The following PID1 variants were observed in gnomAD, a reference collection of about 807,000 sequenced individuals.
PID1 encodes PTB-containing, cubilin and LRP1-interacting protein.
PID1 carries 10 observed loss-of-function variants against 19.1 expected under a neutral mutation model. That is an observed-to-expected ratio of 0.52 (90% CI 0.32 to 0.89). The LOEUF is 0.89. PID1 is among the 40% of genes least tolerant of loss of function. PID1 has a pLI of 0.03. For missense variants in PID1, 248 were observed against 285.3 expected, an observed-to-expected ratio of 0.87 and a Z score of 0.94; for synonymous variants, 130 against 116.0, an observed-to-expected ratio of 1.12 and a Z score of -0.78.
At chr2:229,037,136 C>T (rs1330723686) in intron 2 of PID1, among the ~76,000 whole-genome samples, 1 of 152,046 alleles carries the variant, frequency 6.6e-6, no homozygotes, top group Non-Finnish European at 1.5e-5. Flanking sequence ...TTTCCTAAGG[C>T]TAAAAATATT....
Position 229,166,309 on chromosome 2 carries a change from G to A in PID1, c.31-10345C>T, listed in dbSNP as rs568461893. ...ATCAGTTGTTGCCTGGGGATAGTGAGGAACGAAGAGAGGAGAGTGAGGTAC... is the reference window on the plus strand; with the variant it reads ...ATCAGTTGTTGCCTGGGGATAGTGAAGAACGAAGAGAGGAGAGTGAGGTAC... On this transcript the variant is annotated intron_variant, in intron 1 of 2. Coordinates refer to ENST00000392055, the MANE Select transcript of PID1 (RefSeq NM_001100818.2). Among the ~76,000 whole-genome samples the A allele has an allele frequency of 2.4e-3, 263 of 110,076 alleles. 3 individuals carry two copies. The highest frequency in any genetic ancestry group is 7.2e-3 in the Admixed American group (50 of 6,930). 72.2% of individuals were successfully genotyped at this position (110,076 alleles called of 152,430 possible).
At chr2:229,102,711 T>C (rs1205689581) in intron 2 of PID1, among the ~76,000 whole-genome samples, 1 of 152,198 alleles carries the variant, frequency 6.6e-6, no homozygotes, top group Non-Finnish European at 1.5e-5. Flanking sequence ...CTGTTATAGA[T>C]GGCAACTGTC....
intron 1 of PID1, among the ~76,000 whole-genome samples, chr2:229,210,284 A>G (rs1691700098): frequency 6.6e-6 from 1 of 151,948 alleles, no homozygotes. Context: ...AGGCCGAGGC[A>G]GGTGGATCAC....
At chr2:229,064,635 G>A (rs1458593693) in intron 2 of PID1, among the ~76,000 whole-genome samples, 1 of 152,048 alleles carries the variant, frequency 6.6e-6, no homozygotes, top group Admixed American at 6.6e-5. Flanking sequence ...ATATTCGAAA[G>A]TGAAAAAGCA....
intron 1 of PID1, among the ~76,000 whole-genome samples, chr2:229,261,775 G>C (rs1417314042): frequency 6.6e-6 from 1 of 152,206 alleles, no homozygotes; most frequent in Non-Finnish European, 1.5e-5. Context: ...TGACAGAGCA[G>C]TTCTGCAGTT....
intron 1 of PID1, among the ~76,000 whole-genome samples, chr2:229,258,731 G>A (rs543823439): frequency 2.6e-5 from 4 of 151,964 alleles, no homozygotes; most frequent in East Asian, 3.9e-4. Flanking sequence ...ACGTAGTGGC[G>A]GGCGCCTGTA....
At chr2:229,071,615 T>G (rs1694454975) in intron 2 of PID1, among the ~76,000 whole-genome samples, 1 of 152,238 alleles carries the variant, frequency 6.6e-6, no homozygotes, top group South Asian at 2.1e-4. Flanking sequence ...CTGCCACACA[T>G]GGATTCATGC....
intron 1 of PID1, among the ~76,000 whole-genome samples, chr2:229,189,141 GTA>G (rs1691202776): frequency 6.6e-6 from 1 of 152,222 alleles, no homozygotes; most frequent in Non-Finnish European, 1.5e-5. Flanking sequence ...GGGTGTGGTT[GTA>G]TAGATTGTTC....
chr2:229,095,003 C>A (rs939404921), intron 2 of PID1, among the ~76,000 whole-genome samples: 1 of 152,132 alleles, frequency 6.6e-6, no homozygotes, highest in Admixed American at 6.5e-5. Context: ...ATAGCGTGAG[C>A]CCCATTCTAC....
intron 2 of PID1, among the ~76,000 whole-genome samples, chr2:229,036,257 C>A (rs1693660692): frequency 6.6e-6 from 1 of 152,176 alleles, no homozygotes; most frequent in African/African-American, 2.4e-5. Context: ...TCAGAGCAGG[C>A]CTGGGCATCC....
chr2:229,215,643 T>G (rs1242914181), intron 1 of PID1, among the ~76,000 whole-genome samples: 1 of 152,206 alleles, frequency 6.6e-6, no homozygotes, highest in East Asian at 1.9e-4. Context: ...GAAAAGGGTA[T>G]GTATAGACAG....
chr2:229,170,602 T>C (rs987407183), intron 1 of PID1, among the ~76,000 whole-genome samples: 6 of 152,042 alleles, frequency 3.9e-5, no homozygotes, highest in African/African-American at 1.2e-4. Flanking sequence ...CTCTTTTCTC[T>C]TTTGCTCTCT....
At chr2:229,061,405 C>A (rs1424289357) in intron 2 of PID1, among the ~76,000 whole-genome samples, 2 of 151,744 alleles carry the variant, frequency 1.3e-5, no homozygotes, top group African/African-American at 4.8e-5. Flanking sequence ...TCAAAAAAAA[C>A]AATTGACTAT....
At chr2:229,245,606 C>A (rs975841304) in intron 1 of PID1, among the ~76,000 whole-genome samples, 1 of 152,170 alleles carries the variant, frequency 6.6e-6, no homozygotes, top group Non-Finnish European at 1.5e-5. Context: ...GGGTCTGGGG[C>A]AGCTATGCCA....
intron 2 of PID1, among the ~76,000 whole-genome samples, chr2:229,081,223 A>G (rs1178929111): frequency 2.6e-5 from 4 of 152,162 alleles, no homozygotes; most frequent in Non-Finnish European, 5.9e-5. Context: ...ACATTTAACC[A>G]TTGTTTTCTG....
chr2:229,209,523 G>T (rs1691681680), intron 1 of PID1, among the ~76,000 whole-genome samples: 1 of 152,212 alleles, frequency 6.6e-6, no homozygotes. Context: ...TGGAACCACA[G>T]TGGGGAAGAA....
In PID1 at chr2:229,242,462, AC is replaced by A. The variant is rs201110258; in HGVS notation, c.30+28551del. ...CTGCTTCGACTGGTAAAACTGGCTGACTCCATATCTGGCCTCATGCTCCACT... is the reference window on the plus strand; with the variant it reads ...CTGCTTCGACTGGTAAAACTGGCTGATCCATATCTGGCCTCATGCTCCACT... On this transcript the variant is annotated intron_variant, in intron 1 of 2. Coordinates refer to ENST00000392055, the MANE Select transcript of PID1 (RefSeq NM_001100818.2). Among the ~76,000 whole-genome samples, 637 of 151,844 alleles carry A rather than the reference AC, an allele frequency of 4.2e-3. 4 individuals are homozygous for A. Among genetic ancestry groups the A allele is most frequent in the African/African-American group, 0.015 (608 of 41,406 alleles).
chr2:229,237,733 C>G (rs1240638964), intron 1 of PID1, among the ~76,000 whole-genome samples: 3 of 152,040 alleles, frequency 2.0e-5, no homozygotes, highest in Non-Finnish European at 4.4e-5. Context: ...TTTTCATGTC[C>G]TTTACCCGCC....
At chr2:229,229,749 T>G (rs1018846828) in intron 1 of PID1, among the ~76,000 whole-genome samples, 1 of 152,252 alleles carries the variant, frequency 6.6e-6, no homozygotes, top group African/African-American at 2.4e-5. Flanking sequence ...ATCCACAGGC[T>G]TTCAGATGGT....
Sources: gnomAD v4.1 joint callset for allele counts (sites outside exome capture counted in the v4.1 genomes callset) on GRCh38, gnomAD v4.1.1 for gene constraint, MANE v1.5 for transcripts, NCBI Gene and HGNC (gene_info 2026-07-23, HGNC 2026-07-21) for gene names.